Variants in PKNOX2 observed in about 807,000 individuals in gnomAD.
PKNOX2 encodes PBX/knotted 1 homeobox 2.
Under a neutral mutation model 53.1 loss-of-function variants are expected in PKNOX2, and 14 were observed. The ratio of observed to expected loss-of-function variants is 0.26; its 90% confidence interval spans 0.17 to 0.41. The LOEUF (loss-of-function observed/expected upper bound fraction) is 0.41, where lower values mean the gene tolerates loss of function less well. Among genes scored for constraint, PKNOX2 ranks in the 10% least tolerant of loss-of-function variants. The pLI is 1.00. For synonymous variants in PKNOX2, 257 were observed against 242.8 expected, an observed-to-expected ratio of 1.06 and a Z score of -0.54; for missense variants, 496 against 602.8, an observed-to-expected ratio of 0.82 and a Z score of 1.85.
chr11:125,201,689 A>G (rs879616885), intron 1 of PKNOX2, among the ~76,000 whole-genome samples: 9 of 152,158 alleles, frequency 5.9e-5, no homozygotes, highest in Admixed American at 5.2e-4. Context: ...ACCATCAGGA[A>G]AGCCCCAGAC....
At chr11:125,401,789 G>GTGTGTGTA (rs1555170948) in intron 7 of PKNOX2, among the ~76,000 whole-genome samples, 4 of 147,928 alleles carry the variant, frequency 2.7e-5, no homozygotes, top group Non-Finnish European at 4.4e-5. Flanking sequence ...GTGTGTGTGT[G>GTGTGTGTA]TATGTGTGTG....
At chr11:125,319,106 C>A (rs1256062515) in intron 2 of PKNOX2, among the ~76,000 whole-genome samples, 2 of 152,190 alleles carry the variant, frequency 1.3e-5, no homozygotes, top group African/African-American at 4.8e-5. Flanking sequence ...TTAATCATTT[C>A]TAACTTTTGA....
At chr11:125,168,824 C>T (rs887568510) in intron 1 of PKNOX2, among the ~76,000 whole-genome samples, 3 of 152,184 alleles carry the variant, frequency 2.0e-5, no homozygotes, top group African/African-American at 4.8e-5. Flanking sequence ...AATAATACTG[C>T]GTTGTTAGCA....
chr11:125,179,511 AG>A (rs1220099889), intron 1 of PKNOX2, among the ~76,000 whole-genome samples: 2 of 141,810 alleles, frequency 1.4e-5, no homozygotes, highest in Non-Finnish European at 1.5e-5. Flanking sequence ...ATAGAGTTGA[AG>A]GCCCCCCGGC....
chr11:125,373,366 G>A (rs1952656227), intron 5 of PKNOX2, among the ~76,000 whole-genome samples: 2 of 152,216 alleles, frequency 1.3e-5, no homozygotes, highest in Admixed American at 6.5e-5. Context: ...TACATTCGGG[G>A]GGACAGGATC....
Position 125,290,976 on chromosome 11 carries a change from G to C in PKNOX2, c.-129-40843G>C, listed in dbSNP as rs183298424. Among the ~76,000 whole-genome samples, 3 of 152,064 alleles carry C rather than the reference G, an allele frequency of 2.0e-5. No homozygotes were observed. In the South Asian group the frequency reaches 6.2e-4, roughly 32 times the overall value. Reference sequence around the variant, plus strand: ...AAGCTGATGGGAGAAGGGTGTTTCCGGCAGAAGGAGCTGAGACAGACGCAA... The same window carrying C: ...AAGCTGATGGGAGAAGGGTGTTTCCCGCAGAAGGAGCTGAGACAGACGCAA... On this transcript the variant is annotated intron_variant, in intron 2 of 12. Transcript: ENST00000298282.
chr11:125,219,488 G>A (rs1431951430), intron 1 of PKNOX2, among the ~76,000 whole-genome samples: 2 of 151,270 alleles, frequency 1.3e-5, no homozygotes, highest in Non-Finnish European at 2.9e-5. Flanking sequence ...GACAACCTGT[G>A]GAAAAATTTT....
intron 1 of PKNOX2, among the ~76,000 whole-genome samples, chr11:125,181,226 G>T (rs1956141793): frequency 6.6e-6 from 1 of 152,210 alleles, no homozygotes; most frequent in Non-Finnish European, 1.5e-5. Flanking sequence ...CTAGTAAGAG[G>T]AGAAGCCAGG....
chr11:125,342,564 T>C (rs1175813779), intron 3 of PKNOX2, among the ~76,000 whole-genome samples: 10 of 152,134 alleles, frequency 6.6e-5, no homozygotes, highest in Non-Finnish European at 1.3e-4. Context: ...CTGGAGCTGT[T>C]TGTCTGTCTC....
chr11:125,304,718 G>A (rs1948311158), intron 2 of PKNOX2, among the ~76,000 whole-genome samples: 1 of 152,216 alleles, frequency 6.6e-6, no homozygotes, highest in African/African-American at 2.4e-5. Flanking sequence ...GTCTGCACAG[G>A]ATGCAGGTGG....
At chr11:125,191,660 G>A (rs1398523740) in intron 1 of PKNOX2, among the ~76,000 whole-genome samples, 1 of 152,090 alleles carries the variant, frequency 6.6e-6, no homozygotes, top group Non-Finnish European at 1.5e-5. Flanking sequence ...GGTTGGGGTG[G>A]GGTGCATGTT....
chr11:125,309,212 TTCTC>T (rs1218516315), intron 2 of PKNOX2, among the ~76,000 whole-genome samples: 1 of 148,850 alleles, frequency 6.7e-6, no homozygotes, highest in Non-Finnish European at 1.5e-5. Context: ...CTTCCTTCCT[TTCTC>T]TCTCTCTTTC....
Position 125,371,091 on chromosome 11 carries a change from G to A in PKNOX2, c.227+3106G>A, listed in dbSNP as rs144962448. 7.4e-4 allele frequency among the ~76,000 whole-genome samples: 112 copies of A among 152,328 alleles called. 3 individuals carry two copies. In the East Asian group the frequency reaches 0.019, roughly 27 times the overall value. Reference sequence around the variant, plus strand: ...AATGTACTGGTTCCCTTCTGATGTGGAAACTGTGGGGTGGGGGACGGAGGG... The same window carrying A: ...AATGTACTGGTTCCCTTCTGATGTGAAAACTGTGGGGTGGGGGACGGAGGG... On this transcript the variant is annotated intron_variant, in intron 5 of 12. Transcript: ENST00000298282.
intron 1 of PKNOX2, among the ~76,000 whole-genome samples, chr11:125,197,916 T>C (rs1937930176): frequency 6.6e-6 from 1 of 152,118 alleles, no homozygotes. Flanking sequence ...GGTTGCAGAT[T>C]AGAGACCCTA....
chr11:125,420,252 G>C (rs1956104677), intron 10 of PKNOX2, among the ~76,000 whole-genome samples: 1 of 151,160 alleles, frequency 6.6e-6, no homozygotes, highest in Non-Finnish European at 1.5e-5. Flanking sequence ...TGGGGGCCGG[G>C]CACGGTGGCT....
intron 1 of PKNOX2, among the ~76,000 whole-genome samples, chr11:125,174,643 G>A (rs1955571611): frequency 6.6e-6 from 1 of 152,192 alleles, no homozygotes. Flanking sequence ...TGGGTGGGAA[G>A]ATATATTGCA....
intron 2 of PKNOX2, among the ~76,000 whole-genome samples, chr11:125,238,873 A>T (rs1942939791): frequency 6.6e-6 from 1 of 152,214 alleles, no homozygotes; most frequent in South Asian, 2.1e-4. Flanking sequence ...AAGTACAAAG[A>T]TCAGATTTGA....
Position 125,224,043 on chromosome 11 carries a change from C to T in PKNOX2, c.-200-11002C>T, listed in dbSNP as rs117235329. ...AGGCAGCGGCTGCTGCGGCCTTGCT[C>T]ACACAGCTTTTCCCCTTTGCCCCTG... On this transcript the variant is annotated intron_variant, in intron 1 of 12. Coordinates refer to ENST00000298282, the MANE Select transcript of PKNOX2 (RefSeq NM_001382323.2). 7.5e-4 allele frequency among the ~76,000 whole-genome samples: 114 copies of T among 152,372 alleles called. 1 individual carries two copies. The East Asian group carries it at 0.019, about 25-fold the overall frequency.
At chr11:125,205,486 T>G (rs991440572) in intron 1 of PKNOX2, among the ~76,000 whole-genome samples, 9 of 152,274 alleles carry the variant, frequency 5.9e-5, no homozygotes. Context: ...CCTCTGTTTC[T>G]GAATTCATAA....
Sources: allele counts gnomAD v4.1 joint callset (sites outside exome capture counted in the v4.1 genomes callset), GRCh38; gene constraint gnomAD v4.1.1; transcripts MANE v1.5; gene names NCBI Gene and HGNC (gene_info 2026-07-23, HGNC 2026-07-21).